The following MYLK3 variants were observed in gnomAD, a reference collection of about 807,000 sequenced individuals.
The protein encoded by MYLK3 is MLC kinase.
A neutral mutation model predicts 76.3 loss-of-function variants in MYLK3; 55 were observed. The ratio of observed to expected loss-of-function variants is 0.72; its 90% CI spans 0.58 to 0.90. The LOEUF is 0.90. MYLK3 is among the 40% of genes least tolerant of loss of function. The pLI, the probability that MYLK3 is intolerant of heterozygous loss-of-function variation, is 0.00. For synonymous variants in MYLK3, 416 were observed against 425.4 expected (o/e 0.98, Z 0.27); for missense variants, 973 against 1,053.6 (o/e 0.92, Z 1.06).
intron 3 of MYLK3, among the ~76,000 whole-genome samples, chr16:46,735,102 C>T (rs1303345908): frequency 6.6e-6 from 1 of 151,882 alleles, no homozygotes; most frequent in Non-Finnish European, 1.5e-5. Context: ...GATGGCACCA[C>T]TGCACTCCAG....
At chr16:46,760,194 C>G (rs761011226) in intron 1 of MYLK3, among the ~76,000 whole-genome samples, 2 of 152,350 alleles carry the variant, frequency 1.3e-5, no homozygotes, top group African/African-American at 2.4e-5. Context: ...AGAGTCCGCA[C>G]GAAGCTGGGC....
At chr16:46,736,336 G>A (rs1402474160) in intron 3 of MYLK3, among the ~76,000 whole-genome samples, 1 of 152,186 alleles carries the variant, frequency 6.6e-6, no homozygotes, top group Admixed American at 6.5e-5. Flanking sequence ...GGCAGCCATG[G>A]CCCGTCAGAG....
chr16:46,720,289 C>T (rs780343626), intron 9 of MYLK3, among the ~76,000 whole-genome samples: 1 of 152,104 alleles, frequency 6.6e-6, no homozygotes, highest in Non-Finnish European at 1.5e-5. Context: ...TTTTGGCTCA[C>T]TGCAGGCTCA....
At chr16:46,755,085 G>C (rs1967180228) in intron 1 of MYLK3, among the ~76,000 whole-genome samples, 2 of 151,882 alleles carry the variant, frequency 1.3e-5, no homozygotes, top group African/African-American at 4.8e-5. Context: ...TTTTTTTAGA[G>C]ATGGGGTTTT....
At chr16:46,713,829 A>G (rs1286991390) in intron 9 of MYLK3, among the ~76,000 whole-genome samples, 1 of 152,182 alleles carries the variant, frequency 6.6e-6, no homozygotes, top group Non-Finnish European at 1.5e-5. Flanking sequence ...ATCACGTGGT[A>G]CTTGTCTTTC....
chr16:46,755,825 GAT>G (rs1967191058), intron 1 of MYLK3, among the ~76,000 whole-genome samples: 1 of 151,954 alleles, frequency 6.6e-6, no homozygotes, highest in African/African-American at 2.4e-5. Context: ...CCATCAGCAT[GAT>G]GATGGCAGAT....
At position 46,756,080 on chromosome 16, in the gene MYLK3, T is replaced by C. The variant is rs375498153; in HGVS notation, c.-114+6960A>G. 1.1e-4 allele frequency among the ~76,000 whole-genome samples: 16 copies of C among 152,056 alleles called. 1 individual carries two copies. The highest frequency in any genetic ancestry group is 3.4e-4 in the African/African-American group (14 of 41,474). Reference sequence around the variant, plus strand: ...ACATGCCACCACACCCGGCTAATTTTTTGTATTTCAGTAGAGATGGGCTTT... The same window carrying C: ...ACATGCCACCACACCCGGCTAATTTCTTGTATTTCAGTAGAGATGGGCTTT... On this transcript the variant is annotated intron_variant, in intron 1 of 11. Transcript: ENST00000536476.
At chr16:46,741,609 A>C (rs1049201251) in intron 1 of MYLK3, among the ~76,000 whole-genome samples, 7 of 150,814 alleles carry the variant, frequency 4.6e-5, no homozygotes, top group African/African-American at 1.5e-4. Flanking sequence ...GGCACTCACC[A>C]GTCTCCGGGC....
rs1298968052 is a variant in MYLK3, at chr16:46,721,171, T to C, written c.1937A>G (p.Asn646Ser). 7.4e-6 allele frequency: 12 copies of C among 1,614,264 alleles called. No individual in the cohort carries two copies. The highest frequency in any genetic ancestry group is 9.3e-6 in the Non-Finnish European group (11 of 1,180,040). ...DLKPENILCV[N>S]QTGHQIKIID... ...GATCTTAATTTGATGTCCTGTCTGA[T>C]TGACGCACAATATGTTCTCCGGCTG... Residue 646 changes from asparagine to serine, a missense_variant, in exon 9 of 13, where the codon AAT (asparagine) becomes AGT (serine). Physicochemically the swap from Asn to Ser is conservative, Grantham distance 46 (BLOSUM62 1). Coordinates refer to ENST00000394809, the MANE Select transcript of MYLK3 (RefSeq NM_182493.3).
At chr16:46,707,829 A>C in intron 12 of MYLK3, 66 bp from the exon 13 acceptor site, 1 of 1,236,802 alleles carries the variant, frequency 8.1e-7, no homozygotes, top group East Asian at 2.3e-5. Flanking sequence ...CCTTATGAAG[A>C]AACAATAAAA....
At chr16:46,748,666 C>T (rs976347680), upstream of MYLK3, among the ~76,000 whole-genome samples, 2 of 152,164 alleles carry the variant, frequency 1.3e-5, no homozygotes, top group African/African-American at 4.8e-5. The surrounding 1 kb of genome is among the most constrained non-coding windows in gnomAD (Gnocchi z 4.3). Context: ...GCCCTGAGGC[C>T]ACACACATCA....
chr16:46,734,020 G>C (rs1197889661), intron 3 of MYLK3, among the ~76,000 whole-genome samples: 1 of 152,162 alleles, frequency 6.6e-6, no homozygotes, highest in African/African-American at 2.4e-5. Flanking sequence ...GAAATTAAAA[G>C]TAGGATTACC....
At chr16:46,737,593 T>A in intron 3 of MYLK3, 118 bp downstream of exon 3, 1 of 1,000,080 alleles carries the variant, frequency 1.0e-6, no homozygotes, top group Non-Finnish European at 1.4e-6. Flanking sequence ...CTCCTCCCCA[T>A]TCCCCTCGCA....
chr16:46,726,693 G>GA (rs1207265126), intron 8 of MYLK3: 1 of 129,864 alleles, frequency 7.7e-6, no homozygotes, highest in Non-Finnish European at 1.6e-5. Context: ...AAGAAAGAAA[G>GA]AAAGAAAGAA....
Position 46,705,613 on chromosome 16 carries a change from A to T in MYLK3, c.*2091T>A, listed in dbSNP as rs1234102036. The T allele has an allele frequency of 6.6e-6, 1 of 152,212 alleles. No homozygotes were observed. The highest frequency in any genetic ancestry group is 1.5e-5 in the Non-Finnish European group (1 of 68,028). The allele number at this position is 152,212 out of a possible 1,614,324, so 9.4% of individuals were successfully genotyped here. A position where few individuals can be genotyped will look rare whatever the true frequency, so the allele number is the denominator to read the frequency against. On this transcript the variant is annotated 3_prime_UTR_variant, in exon 13 of 13. Coordinates refer to ENST00000394809, the MANE Select transcript of MYLK3 (RefSeq NM_182493.3). ...ATGTAGAAGTAAGGAAATTTTAAAG[A>T]TTGTATATTTTTTCATAATAAAGTA...
intron 8 of MYLK3, among the ~76,000 whole-genome samples, chr16:46,724,566 C>G (rs1966831038): frequency 6.6e-6 from 1 of 152,214 alleles, no homozygotes; most frequent in South Asian, 2.1e-4. Flanking sequence ...TAATTTTCTA[C>G]TGAATTGTCA....
intron 9 of MYLK3, among the ~76,000 whole-genome samples, chr16:46,713,631 T>C (rs1234546873): frequency 1.3e-5 from 2 of 152,254 alleles, no homozygotes; most frequent in Admixed American, 1.3e-4. Context: ...AATTCTGAAG[T>C]ATACAATACA....
intron 8 of MYLK3, among the ~76,000 whole-genome samples, chr16:46,721,697 A>G (rs920198551): frequency 6.6e-6 from 1 of 152,166 alleles, no homozygotes; most frequent in African/African-American, 2.4e-5. Flanking sequence ...TGAAAATTCC[A>G]TGCTTTTAAA....
At chr16:46,735,125 A>G (rs1966862073) in intron 3 of MYLK3, among the ~76,000 whole-genome samples, 1 of 151,612 alleles carries the variant, frequency 6.6e-6, no homozygotes, top group Admixed American at 6.6e-5. Context: ...TCGGTGACAG[A>G]GTGAGACCCT....
Sources: allele counts gnomAD v4.1 joint callset (sites outside exome capture counted in the v4.1 genomes callset), GRCh38; gene constraint gnomAD v4.1.1; non-coding constraint Gnocchi (gnomAD v3.1); transcripts MANE v1.5; gene names NCBI Gene and HGNC (gene_info 2026-07-23, HGNC 2026-07-21).